RHOU: variants seen among roughly 807,000 people sequenced by gnomAD.
RHOU encodes ras homolog family member U, also known as rho-related GTP-binding protein RhoU.
RHOU carries 8 observed loss-of-function variants against 12.6 expected under a neutral mutation model. The ratio of observed to expected loss-of-function variants is 0.64; its 90% CI spans 0.37 to 1.15. The LOEUF is 1.15. Among genes scored for constraint, RHOU ranks in the 50% most tolerant of loss-of-function variants. RHOU has a pLI of 0.01. For synonymous variants in RHOU, 161 were observed against 147.4 expected, an observed-to-expected ratio of 1.09 and a Z score of -0.67; for missense variants, 258 against 347.0, an observed-to-expected ratio of 0.74 and a Z score of 2.04.
the RHOU span, among the ~76,000 whole-genome samples, chr1:228,649,206 G>T: frequency 6.6e-6 from 1 of 152,136 alleles, no homozygotes; most frequent in African/African-American, 2.4e-5. Flanking sequence ...CCTGTTCAAG[G>T]TACTAGAGTA....
In RHOU at chr1:228,746,602, G is replaced by A. The variant is rs12126207; in HGVS notation, c.*2862G>A. ...TGTTTTCAAGTGTAAATGATGTTGA[G>A]CAGAATGTTGTACTTGAAAATGCTA... On this transcript the variant is annotated 3_prime_UTR_variant, in exon 3 of 3. Transcript: ENST00000366691. 3.5e-4 allele frequency: 53 copies of A among 152,182 alleles called. No individual in the cohort carries two copies. Among genetic ancestry groups the A allele is most frequent in the Non-Finnish European group, 6.3e-4 (43 of 68,032 alleles). 9.4% of individuals were successfully genotyped at this position (152,182 alleles called of 1,614,324 possible).
chr1:228,699,401 T>C, the RHOU span, among the ~76,000 whole-genome samples: 6 of 138,294 alleles, frequency 4.3e-5, no homozygotes, highest in Non-Finnish European at 6.0e-5. Context: ...TGAGACATGA[T>C]TCCACCACTG....
the RHOU span, among the ~76,000 whole-genome samples, chr1:228,722,628 CTT>C: frequency 2.8e-5 from 4 of 145,322 alleles, no homozygotes; most frequent in East Asian, 2.0e-4. Context: ...TCCTGACCTC[CTT>C]TTTTTTTTTT....
At chr1:228,720,530 T>A in the RHOU span, among the ~76,000 whole-genome samples, 2 of 152,124 alleles carry the variant, frequency 1.3e-5, no homozygotes, top group Non-Finnish European at 2.9e-5. Context: ...ACTGGTGTCC[T>A]CATGAGAAGA....
In RHOU at chr1:228,745,250, A is replaced by G. The variant is rs960248395; in HGVS notation, c.*1510A>G. On this transcript the variant is annotated 3_prime_UTR_variant, in exon 3 of 3. Transcript: ENST00000366691. ...GGAGAATAGCTTTTACTCTGGTAGG[A>G]ATGCTTCCGAGACACCACAAGGCAG... 1.3e-5 allele frequency: 2 copies of G among 152,222 alleles called. No homozygotes were observed. The highest frequency in any genetic ancestry group is 2.4e-5 in the African/African-American group (1 of 41,448). 9.4% of individuals were successfully genotyped at this position (152,222 alleles called of 1,614,324 possible).
chr1:228,708,453 A>T, the RHOU span, among the ~76,000 whole-genome samples: 1 of 151,436 alleles, frequency 6.6e-6, no homozygotes, highest in African/African-American at 2.4e-5. Flanking sequence ...GACTAACAGC[A>T]GATCTCTCGG....
the RHOU span, among the ~76,000 whole-genome samples, chr1:228,715,472 AT>A: frequency 6.6e-6 from 1 of 152,086 alleles, no homozygotes; most frequent in Non-Finnish European, 1.5e-5. Context: ...GTGAACAAAA[AT>A]TTGTTTTGAT....
the RHOU span, among the ~76,000 whole-genome samples, chr1:228,704,418 G>T: frequency 3.9e-5 from 6 of 152,092 alleles, no homozygotes; most frequent in Admixed American, 3.9e-4. Context: ...CAAAAAGTTG[G>T]TAAATTTTCT....
intron 1 of RHOU, among the ~76,000 whole-genome samples, chr1:228,736,727 C>T (rs544245698): frequency 6.6e-6 from 1 of 152,238 alleles, no homozygotes; most frequent in East Asian, 1.9e-4. Context: ...TTGGTAGATA[C>T]AAAGAGAAAG....
upstream of RHOU, among the ~76,000 whole-genome samples, chr1:228,734,836 T>C (rs1662558844): frequency 6.6e-6 from 1 of 152,134 alleles, no homozygotes; most frequent in Non-Finnish European, 1.5e-5. Context: ...AATGAAGGAA[T>C]TGGGGGTATA....
the RHOU span, among the ~76,000 whole-genome samples, chr1:228,658,966 G>C: frequency 6.6e-6 from 1 of 152,198 alleles, no homozygotes; most frequent in East Asian, 1.9e-4. Flanking sequence ...GTTGTTCAAG[G>C]CTCAGCTGTA....
the RHOU span, among the ~76,000 whole-genome samples, chr1:228,698,505 T>C: frequency 6.6e-6 from 1 of 152,244 alleles, no homozygotes; most frequent in African/African-American, 2.4e-5. Context: ...TTACCACCAT[T>C]TTAGTATGAG....
chr1:228,731,325 T>C (rs933962254), upstream of RHOU, among the ~76,000 whole-genome samples: 32 of 152,308 alleles, frequency 2.1e-4, 1 homozygote, highest in South Asian at 5.8e-3. Flanking sequence ...CTTTCCTACG[T>C]TGCCTGTAGA....
At chr1:228,726,733 G>C in the RHOU span, among the ~76,000 whole-genome samples, 1 of 152,070 alleles carries the variant, frequency 6.6e-6, no homozygotes, top group African/African-American at 2.4e-5. Flanking sequence ...CAATTTCTCT[G>C]AGCTGCCATC....
At chr1:228,727,188 A>G in the RHOU span, among the ~76,000 whole-genome samples, 62 of 152,336 alleles carry the variant, frequency 4.1e-4, 1 homozygote, top group East Asian at 7.7e-4. Flanking sequence ...CTCTTCTAAA[A>G]TCAAATTCCT....
At chr1:228,697,583 A>G in the RHOU span, among the ~76,000 whole-genome samples, 7 of 152,316 alleles carry the variant, frequency 4.6e-5, no homozygotes, top group Admixed American at 2.6e-4. Context: ...TATCGTGCTG[A>G]CTGGCAGCCT....
chr1:228,668,229 C>T, the RHOU span, among the ~76,000 whole-genome samples: 1 of 152,234 alleles, frequency 6.6e-6, no homozygotes, highest in Non-Finnish European at 1.5e-5. Context: ...TCTTCTGGAC[C>T]TTGCTGTATA....
At chr1:228,647,153 G>T in the RHOU span, among the ~76,000 whole-genome samples, 2 of 152,220 alleles carry the variant, frequency 1.3e-5, no homozygotes, top group African/African-American at 4.8e-5. Context: ...AGCTGTGCCT[G>T]AGCAGGGCGG....
chr1:228,712,397 C>G, the RHOU span, among the ~76,000 whole-genome samples: 16 of 151,722 alleles, frequency 1.1e-4, no homozygotes, highest in East Asian at 1.5e-3. Context: ...ATAGCAAAGA[C>G]TTGGAACCAA....
Sources: gnomAD v4.1 joint callset for allele counts (sites outside exome capture counted in the v4.1 genomes callset) on GRCh38, gnomAD v4.1.1 for gene constraint, MANE v1.5 for transcripts, NCBI Gene and HGNC (gene_info 2026-07-23, HGNC 2026-07-21) for gene names.